The following NCALD variants were observed in gnomAD, a reference collection of about 807,000 sequenced individuals.
The protein encoded by NCALD is neurocalcin delta.
In NCALD, 10 loss-of-function variants were observed where a neutral mutation model predicts 18.6. The observed-to-expected ratio is 0.54, with a 90% CI of 0.33 to 0.91. The LOEUF (loss-of-function observed/expected upper bound fraction) is 0.91, where lower values mean the gene tolerates loss of function less well. NCALD is among the 40% of genes least tolerant of loss of function. The probability of loss-of-function intolerance (pLI) is 0.03; values close to 1 mark genes in which losing one functional copy is unlikely to be tolerated. For missense variants in NCALD, 184 were observed against 247.6 expected (o/e 0.74, Z 1.72); for synonymous variants, 88 against 87.4 (o/e 1.01, Z -0.04).
In NCALD at chr8:101,729,961, A is replaced by T. The variant is rs191579908; in HGVS notation, c.-19-10313T>A. 4.2e-3 allele frequency among the ~76,000 whole-genome samples: 632 copies of T among 152,266 alleles called. 14 individuals carry two copies. Among genetic ancestry groups the T allele is most frequent in the Admixed American group, 0.034 (524 of 15,290 alleles). On this transcript the variant is annotated intron_variant, in intron 1 of 3. Transcript: ENST00000220931. ...GGAAATACCATTTTTTGTTTTGCGGATTACCAAAGTATTACATCATTATTG... is the reference window on the plus strand; with the variant it reads ...GGAAATACCATTTTTTGTTTTGCGGTTTACCAAAGTATTACATCATTATTG...
At chr8:101,784,808 A>AT (rs1214409410) in intron 1 of NCALD, among the ~76,000 whole-genome samples, 5 of 152,096 alleles carry the variant, frequency 3.3e-5, no homozygotes, top group African/African-American at 7.2e-5. Context: ...CTAAAAAAAA[A>AT]TTTTTTTAAT....
chr8:102,124,726 C>G (rs1376701301), upstream of NCALD: 3 of 152,418 alleles, frequency 2.0e-5, no homozygotes, highest in African/African-American at 7.2e-5. Flanking sequence ...CAGTGAAGTT[C>G]AAGGGAGCCT....
intron 4 of NCALD, among the ~76,000 whole-genome samples, chr8:101,828,617 T>C (rs1586590304): frequency 6.6e-6 from 1 of 152,062 alleles, no homozygotes; most frequent in East Asian, 1.9e-4. Context: ...CATTTTTTTT[T>C]AAGAGACAGA....
intron 4 of NCALD, among the ~76,000 whole-genome samples, chr8:101,843,314 T>C (rs1814721292): frequency 6.6e-6 from 1 of 152,184 alleles, no homozygotes; most frequent in African/African-American, 2.4e-5. Context: ...TTCTCAAAAA[T>C]GCAAATTCTC....
At chr8:102,035,550 G>A (rs1435791475) in intron 1 of NCALD, among the ~76,000 whole-genome samples, 1 of 152,130 alleles carries the variant, frequency 6.6e-6, no homozygotes, top group Non-Finnish European at 1.5e-5. Flanking sequence ...GAGAAAGGCA[G>A]TAGAATCCAG....
chr8:101,785,546 A>G (rs1179885310), intron 1 of NCALD, among the ~76,000 whole-genome samples: 1 of 152,094 alleles, frequency 6.6e-6, no homozygotes, highest in Non-Finnish European at 1.5e-5. Flanking sequence ...CCTTCGCCCA[A>G]TCCTGATTTC....
At chr8:101,696,714 C>T (rs988403221) in intron 2 of NCALD, among the ~76,000 whole-genome samples, 4 of 152,168 alleles carry the variant, frequency 2.6e-5, no homozygotes, top group African/African-American at 9.7e-5. Context: ...CCTCTCTTCC[C>T]TTCCTTACTT....
At chr8:102,060,467 G>A (rs562737106) in intron 1 of NCALD, among the ~76,000 whole-genome samples, 2 of 152,252 alleles carry the variant, frequency 1.3e-5, no homozygotes, top group African/African-American at 4.8e-5. Flanking sequence ...GGTAGGATTA[G>A]GTAAATACTA....
chr8:101,810,481 A>AT (rs1244417989), intron 4 of NCALD, among the ~76,000 whole-genome samples: 1 of 152,080 alleles, frequency 6.6e-6, no homozygotes, highest in Non-Finnish European at 1.5e-5. Flanking sequence ...TAGAAATGTG[A>AT]TTTTTCTGCT....
chr8:101,812,139 T>C (rs1211198035), intron 4 of NCALD, among the ~76,000 whole-genome samples: 3 of 152,134 alleles, frequency 2.0e-5, no homozygotes, highest in Non-Finnish European at 4.4e-5. Flanking sequence ...GTTTTCTAAG[T>C]AGTTATCAAC....
intron 2 of NCALD, among the ~76,000 whole-genome samples, chr8:101,718,743 A>G (rs1816208551): frequency 6.6e-6 from 1 of 152,246 alleles, no homozygotes; most frequent in South Asian, 2.1e-4. Context: ...AAACATGCTC[A>G]GGCCATGATG....
intron 1 of NCALD, among the ~76,000 whole-genome samples, chr8:102,040,662 A>C (rs1187608169): frequency 6.6e-6 from 1 of 151,204 alleles, no homozygotes; most frequent in Non-Finnish European, 1.5e-5. Flanking sequence ...TACTCCAGAA[A>C]GGATCCTGGG....
intron 2 of NCALD, among the ~76,000 whole-genome samples, chr8:101,920,248 C>T (rs190783823): frequency 2.6e-4 from 39 of 152,136 alleles, no homozygotes; most frequent in African/African-American, 9.4e-4. Context: ...AACAGTGAGA[C>T]CTTGTCTCAA....
intron 4 of NCALD, among the ~76,000 whole-genome samples, chr8:101,860,969 A>G (rs1445878834): frequency 6.6e-6 from 1 of 152,154 alleles, no homozygotes; most frequent in African/African-American, 2.4e-5. Context: ...GAATGAAATT[A>G]TATAAGCTTA....
In NCALD at chr8:101,855,623, A is replaced by T. The variant is rs1003771297; in HGVS notation, c.-20+31518T>A. Reference sequence around the variant, plus strand: ...TCTCAAGTTTAGAGGGGATGATAATAAGAATTTGCAATGATCATCACACAT... The same window carrying T: ...TCTCAAGTTTAGAGGGGATGATAATTAGAATTTGCAATGATCATCACACAT... On this transcript the variant is annotated intron_variant, in intron 4 of 6. Coordinates refer to the NCALD transcript ENST00000311028. Among the ~76,000 whole-genome samples, 44 of 152,162 alleles carry T rather than the reference A, an allele frequency of 2.9e-4. 1 individual carries two copies. Among genetic ancestry groups the T allele is most frequent in the Admixed American group, 2.6e-3 (39 of 15,278 alleles).
At chr8:102,081,366 A>G (rs1221210458) in intron 1 of NCALD, among the ~76,000 whole-genome samples, 6 of 152,062 alleles carry the variant, frequency 3.9e-5, no homozygotes, top group Admixed American at 3.9e-4. Context: ...TTAATGAGTC[A>G]TTTTGTTTTC....
intron 1 of NCALD, among the ~76,000 whole-genome samples, chr8:101,746,464 A>ATG (rs1810429011): frequency 6.6e-6 from 1 of 150,402 alleles, no homozygotes; most frequent in African/African-American, 2.5e-5. Flanking sequence ...ATATATATAT[A>ATG]TGTTAGTGCC....
chr8:102,050,811 A>T (rs1379197699), intron 1 of NCALD, among the ~76,000 whole-genome samples: 3 of 132,422 alleles, frequency 2.3e-5, no homozygotes, highest in South Asian at 2.8e-4. Context: ...TAATTAATTT[A>T]ATCATTTTTA....
At chr8:101,939,606 T>TAA (rs143724822) in intron 2 of NCALD, among the ~76,000 whole-genome samples, 2 of 151,982 alleles carry the variant, frequency 1.3e-5, no homozygotes, top group African/African-American at 4.8e-5. Flanking sequence ...TTCTTCTTAG[T>TAA]AAAAAAAATA....
Sources: gnomAD v4.1 joint callset for allele counts (sites outside exome capture counted in the v4.1 genomes callset) on GRCh38, gnomAD v4.1.1 for gene constraint, MANE v1.5 for transcripts, NCBI Gene and HGNC (gene_info 2026-07-23, HGNC 2026-07-21) for gene names.